Variants in PI4KB observed in about 807,000 individuals in gnomAD.
PI4KB encodes phosphatidylinositol 4-kinase beta.
Under a neutral mutation model 81.4 loss-of-function variants are expected in PI4KB, and 23 were observed. The ratio of observed to expected loss-of-function variants is 0.28; its 90% CI spans 0.20 to 0.40. PI4KB has a LOEUF of 0.40. Among genes scored for constraint, PI4KB ranks in the 10% least tolerant of loss-of-function variants. The probability of loss-of-function intolerance (pLI) is 1.00; values close to 1 mark genes in which losing one functional copy is unlikely to be tolerated. For synonymous variants in PI4KB, 381 were observed against 406.8 expected, an observed-to-expected ratio of 0.94 and a Z score of 0.76; for missense variants, 651 against 1,036.6, an observed-to-expected ratio of 0.63 and a Z score of 5.11.
chr1:151,313,875 A>G (rs1003752557), intron 2 of PI4KB, among the ~76,000 whole-genome samples: 4 of 152,236 alleles, frequency 2.6e-5, no homozygotes, highest in African/African-American at 9.6e-5. Context: ...TATGAGCACC[A>G]GCTGGAGATT....
chr1:151,293,299 G>C, intron 11 of PI4KB: 2 of 1,378,866 alleles, frequency 1.5e-6, no homozygotes, highest in South Asian at 1.4e-5. Context: ...TAAGGGTGGA[G>C]GGGCCCAGAG....
intron 5 of PI4KB, among the ~76,000 whole-genome samples, chr1:151,304,429 C>T (rs587607579): frequency 1.3e-5 from 2 of 151,206 alleles, no homozygotes; most frequent in East Asian, 3.9e-4. Context: ...CTGCGACCTC[C>T]GCCTCCCAGG....
chr1:151,325,680 C>T (rs979210448), intron 1 of PI4KB, among the ~76,000 whole-genome samples: 1 of 152,180 alleles, frequency 6.6e-6, no homozygotes, highest in Non-Finnish European at 1.5e-5. Flanking sequence ...AAATGACTTA[C>T]ACCCCTGGTT....
intron 9 of PI4KB, among the ~76,000 whole-genome samples, chr1:151,297,931 T>G (rs188202905): frequency 1.3e-5 from 2 of 152,162 alleles, no homozygotes; most frequent in Non-Finnish European, 2.9e-5. Context: ...AGCTGCCCTG[T>G]GCCGAGGGTC....
chr1:151,323,284 C>T (rs901156458), intron 1 of PI4KB, among the ~76,000 whole-genome samples: 1 of 151,972 alleles, frequency 6.6e-6, no homozygotes, highest in Admixed American at 6.5e-5. Flanking sequence ...GCGGGTGGAT[C>T]ACCTGAGGTC....
chr1:151,319,349 C>T (rs1648507130), intron 1 of PI4KB, among the ~76,000 whole-genome samples: 1 of 151,846 alleles, frequency 6.6e-6, no homozygotes, highest in South Asian at 2.1e-4. Context: ...GGTTACTAAC[C>T]AGTGTGTGTG....
chr1:151,313,053 CGGAAGGAAGGAAGGAA>C (rs113590962), intron 2 of PI4KB, among the ~76,000 whole-genome samples: 1 of 150,140 alleles, frequency 6.7e-6, no homozygotes, highest in African/African-American at 2.5e-5. Flanking sequence ...GACGGGTGGG[CGGAAGGAAGGAAGGAA>C]GGAAGGAAGG....
intron 8 of PI4KB, among the ~76,000 whole-genome samples, chr1:151,299,553 G>A (rs775202558): frequency 5.3e-5 from 8 of 152,092 alleles, no homozygotes; most frequent in Non-Finnish European, 1.0e-4. Flanking sequence ...AGCCAGGCGT[G>A]GTGGTGTATG....
At chr1:151,317,233 G>A (rs934021001) in intron 1 of PI4KB, among the ~76,000 whole-genome samples, 1 of 149,232 alleles carries the variant, frequency 6.7e-6, no homozygotes, top group Admixed American at 6.7e-5. Context: ...TTGACCTCCT[G>A]GGCTCAAGCA....
In PI4KB at chr1:151,302,166, G is replaced by A. The variant is rs771313932; in HGVS notation, c.1625+28C>T. Reference sequence around the variant, plus strand: ...TTACAACTGCCTCTGAGCTTTGAGAGGGGTTCAGAGACCCACACCCAACTC... The same window carrying A: ...TTACAACTGCCTCTGAGCTTTGAGAAGGGTTCAGAGACCCACACCCAACTC... On this transcript the variant is annotated intron_variant, in intron 7 of 11. Coordinates refer to ENST00000368873, the MANE Select transcript of PI4KB (RefSeq NM_001369623.2). 10 of 1,553,992 alleles carry A rather than the reference G, an allele frequency of 6.4e-6. No individual in the cohort carries two copies. The East Asian group carries it at 1.1e-4, about 17-fold the overall frequency.
chr1:151,306,283 G>A lies in PI4KB; in HGVS notation c.1263C>T (p.Asn421=). The part of the protein sequence containing the change: ...TTSVPARIPE[N]RIRSTRSVEN... The stretch of plus-strand genomic sequence containing the variant: ...CTACGGACCTCGTACTCCGAATTCG[G>A]TTCTCGGGGATCCGGGCAGGGACAC... The change falls in exon 5 of 12, where the codon AAC becomes AAT. Residue 421 remains asparagine (N), a synonymous_variant. Transcript: ENST00000368873. 6.2e-7 allele frequency: 1 copy of A among 1,614,184 alleles called. No homozygotes were observed. Among genetic ancestry groups the A allele is most frequent in the South Asian group, 1.1e-5 (1 of 91,084 alleles).
At position 151,316,442 on chromosome 1, in the gene PI4KB, T is replaced by C. The variant is rs1336585603; in HGVS notation, c.40A>G (p.Thr14Ala). ...GGTGGGCCAGAAGTGGGCTCAGAAG[T>C]TGGCTTCAAGGGGGCAGGCTCCACT... is the stretch of plus-strand genomic sequence containing the variant. ...TVVEPAPLKP[T>A]SEPTSGPPGN... Residue 14 changes from threonine (T) to alanine (A), a missense_variant, in exon 2 of 12, where the codon ACT becomes GCT. By Grantham distance (58) the Thr-to-Ala change is moderately conservative (BLOSUM62 0). Transcript: ENST00000368873. The C allele has an allele frequency of 3.8e-6, 6 of 1,564,998 alleles. No individual in the cohort carries two copies. The highest frequency in any genetic ancestry group is 5.2e-6 in the Non-Finnish European group (6 of 1,156,840).
chr1:151,307,435 A>C (rs1190473215), intron 4 of PI4KB, 139 bp downstream of exon 4: 3 of 626,368 alleles, frequency 4.8e-6, no homozygotes, highest in Non-Finnish European at 8.6e-6. Context: ...AGACAGAGTC[A>C]TGGTTGACAT....
intron 1 of PI4KB, chr1:151,324,695 T>A: frequency 1.1e-6 from 1 of 923,178 alleles, no homozygotes; most frequent in African/African-American, 1.8e-5. Flanking sequence ...AAGCCAGCTA[T>A]GGGAGCCGCT....
intron 1 of PI4KB, among the ~76,000 whole-genome samples, chr1:151,318,647 G>A (rs1294863189): frequency 1.3e-5 from 2 of 152,086 alleles, no homozygotes; most frequent in Non-Finnish European, 2.9e-5. Flanking sequence ...GGGAGGCAGA[G>A]GTTGTGGTGA....
rs1397733196 is a variant in PI4KB at position 151,320,074 on chromosome 1, C to G, written c.-28-3565G>C. 2.0e-5 allele frequency among the ~76,000 whole-genome samples: 3 copies of G among 152,294 alleles called. No homozygotes were observed. In the East Asian group the frequency reaches 5.8e-4, roughly 29 times the overall value. Reference sequence around the variant, plus strand: ...TTTGAGACGGAGTCTCGCTCTGTCGCCCAGGCTGGAGTGCAGTGGTGCAAT... The same window carrying G: ...TTTGAGACGGAGTCTCGCTCTGTCGGCCAGGCTGGAGTGCAGTGGTGCAAT... On this transcript the variant is annotated intron_variant, in intron 1 of 11. Coordinates refer to ENST00000368873, the MANE Select transcript of PI4KB (RefSeq NM_001369623.2).
At chr1:151,294,358 CAGAGAA>C in intron 10 of PI4KB, 45 bp downstream of exon 10, 1 of 1,598,036 alleles carries the variant, frequency 6.3e-7, no homozygotes. Context: ...TCTCCCATGA[CAGAGAA>C]AGAATACAAT....
intron 1 of PI4KB, among the ~76,000 whole-genome samples, chr1:151,326,695 C>G (rs1161868444): frequency 6.6e-6 from 1 of 152,102 alleles, no homozygotes; most frequent in Non-Finnish European, 1.5e-5. Flanking sequence ...GGCCCGAGAT[C>G]CCTTAAGGAG....
At chr1:151,293,162 G>A (rs1369055502) in intron 11 of PI4KB, 129 bp from the exon 12 acceptor site, 1 of 1,497,162 alleles carries the variant, frequency 6.7e-7, no homozygotes, top group Admixed American at 2.4e-5. Flanking sequence ...GATGATGTGG[G>A]TGCAGTTCTG....
Sources: allele counts gnomAD v4.1 joint callset (sites outside exome capture counted in the v4.1 genomes callset), GRCh38; gene constraint gnomAD v4.1.1; transcripts MANE v1.5; gene names NCBI Gene and HGNC (gene_info 2026-07-23, HGNC 2026-07-21).